F8: variants seen among roughly 807,000 people sequenced by gnomAD.
F8 encodes antihemophilic factor.
Under a neutral mutation model 140.6 loss-of-function variants are expected in F8, and 12 were observed. The ratio of observed to expected loss-of-function variants is 0.09; its 90% confidence interval spans 0.05 to 0.14. The LOEUF (loss-of-function observed/expected upper bound fraction) is 0.14. Ranked by LOEUF, F8 falls within the 10% of genes least tolerant of loss-of-function variation. The pLI is 1.00. For synonymous variants in F8, 585 were observed against 614.6 expected (o/e 0.95, Z 0.71); for missense variants, 1,354 against 1,720.7 (o/e 0.79, Z 3.77).
intron 6 of F8, among the ~76,000 whole-genome samples, chrX:154,973,344 T>C (rs1284706818): frequency 1.8e-5 from 2 of 112,573 alleles, no homozygotes; most frequent in African/African-American, 6.5e-5. Flanking sequence ...GGATTTTTTG[T>C]GGTTCCACAC....
chrX:155,008,194 T>C (rs890493302), intron 1 of F8, among the ~76,000 whole-genome samples: 1 of 111,171 alleles, frequency 9.0e-6, no homozygotes, highest in Admixed American at 9.4e-5. Flanking sequence ...AGGTGCTGTA[T>C]ATGTATGAAT....
At chrX:154,941,326 C>A (rs782185529) in intron 13 of F8, among the ~76,000 whole-genome samples, 1 of 111,433 alleles carries the variant, frequency 9.0e-6, no homozygotes, top group South Asian at 3.8e-4. Flanking sequence ...GGAAGATCTA[C>A]CAAGCAAGTG....
At chrX:154,859,592 G>A (rs782335922) in intron 25 of F8, among the ~76,000 whole-genome samples, 18 of 111,399 alleles carry the variant, frequency 1.6e-4, no homozygotes, top group African/African-American at 5.2e-4. Context: ...ATCAGCCACC[G>A]CGCCCGGCCT....
At chrX:154,871,427 A>C (rs782715100) in intron 22 of F8, among the ~76,000 whole-genome samples, 24 of 112,449 alleles carry the variant, frequency 2.1e-4, no homozygotes, top group Middle Eastern at 4.6e-3. Context: ...GACAAACCTG[A>C]CACAAACAAG....
At chrX:154,914,265 C>T (rs1423791962) in intron 14 of F8, among the ~76,000 whole-genome samples, 2 of 112,860 alleles carry the variant, frequency 1.8e-5, no homozygotes, top group Non-Finnish European at 1.9e-5. Flanking sequence ...TTTTTCCCTC[C>T]TAGGCCTCCA....
At chrX:154,874,910 A>T (rs1322209245) in intron 22 of F8, among the ~76,000 whole-genome samples, 1 of 112,333 alleles carries the variant, frequency 8.9e-6, no homozygotes. Flanking sequence ...TGTTCACTGT[A>T]ACAGTATTCA....
chrX:154,864,026 G>A (rs1557273038), intron 22 of F8, among the ~76,000 whole-genome samples: 1 of 111,857 alleles, frequency 8.9e-6, no homozygotes, highest in Non-Finnish European at 1.9e-5. Flanking sequence ...GCCTACTTAG[G>A]AAACAGGTGG....
At chrX:154,961,296 A>G (rs1440118044) in intron 9 of F8, 128 bp from the exon 10 acceptor site, 2 of 469,924 alleles carry the variant, frequency 4.3e-6, no homozygotes, top group African/African-American at 4.9e-5. Flanking sequence ...GCTAGATAAA[A>G]CTCAAAATAT....
intron 1 of F8, 120 bp from the exon 2 acceptor site, chrX:154,999,720 T>G: frequency 1.2e-6 from 1 of 840,850 alleles, no homozygotes; most frequent in Non-Finnish European, 1.7e-6. Context: ...AAGTTGTATA[T>G]AAATCCCTAA....
chrX:154,880,348 G>A (rs1050688732), intron 22 of F8, among the ~76,000 whole-genome samples: 1 of 111,368 alleles, frequency 9.0e-6, no homozygotes, highest in Non-Finnish European at 1.9e-5. Context: ...AGGAAGAGAT[G>A]AAACTCTGAT....
At chrX:154,989,833 C>T (rs1271139071) in intron 4 of F8, among the ~76,000 whole-genome samples, 3 of 111,850 alleles carry the variant, frequency 2.7e-5, no homozygotes, top group Non-Finnish European at 5.6e-5. Flanking sequence ...AAATCTGAAA[C>T]GTTCTTGGTT....
At chrX:154,906,689 T>C in intron 14 of F8, 116 bp from the exon 15 acceptor site, 2 of 656,949 alleles carry the variant, frequency 3.0e-6, no homozygotes. Flanking sequence ...AACCACTTCA[T>C]CTTCCTTGAA....
At chrX:155,013,109 G>A (rs1258461040) in intron 1 of F8, among the ~76,000 whole-genome samples, 1 of 89,903 alleles carries the variant, frequency 1.1e-5, no homozygotes, top group East Asian at 3.3e-4. Context: ...TCGCACCACT[G>A]CACTCCAGCC....
At chrX:154,954,454 C>A (rs1557281005) in intron 11 of F8, among the ~76,000 whole-genome samples, 1 of 111,813 alleles carries the variant, frequency 8.9e-6, no homozygotes, top group African/African-American at 3.3e-5. Flanking sequence ...CCTAAACTTC[C>A]ATCTAGCAAC....
intron 13 of F8, among the ~76,000 whole-genome samples, chrX:154,932,232 T>A (rs184833090): frequency 8.9e-6 from 1 of 111,928 alleles, no homozygotes; most frequent in Admixed American, 9.5e-5. Flanking sequence ...CATAACACAA[T>A]ACCTAGCATC....
rs781853205 is a variant in F8, at chrX:154,983,460, T to C, written c.787+1227A>G. Among the ~76,000 whole-genome samples the C allele has an allele frequency of 1.1e-3, 122 of 111,726 alleles. 1 individual carries two copies. The highest frequency in any genetic ancestry group is 2.0e-3 in the Non-Finnish European group (104 of 53,099). The stretch of plus-strand genomic sequence containing the variant: ...GATCTTGTGAAAATAGAGAGTAGAA[T>C]CGTGGTTACCATAGTCTGGGGTGGG... On this transcript the variant is annotated intron_variant, in intron 6 of 25. Transcript: ENST00000360256.
chrX:155,002,347 A>G (rs1557285677), intron 1 of F8, among the ~76,000 whole-genome samples: 1 of 112,308 alleles, frequency 8.9e-6, no homozygotes, highest in Non-Finnish European at 1.9e-5. Flanking sequence ...GCCCAGATAC[A>G]TGGCAAAACA....
At chrX:154,841,955 AT>A (rs1210337017) in intron 25 of F8, among the ~76,000 whole-genome samples, 1 of 111,142 alleles carries the variant, frequency 9.0e-6, no homozygotes, top group Non-Finnish European at 1.9e-5. Context: ...ATCTTTTTCC[AT>A]TTTCTGAAAG....
intron 6 of F8, among the ~76,000 whole-genome samples, chrX:154,973,650 G>A (rs2073470167): frequency 8.9e-6 from 1 of 112,136 alleles, no homozygotes; most frequent in Admixed American, 9.5e-5. Context: ...TTGGCATATA[G>A]ACATGCTATC....
Sources: gnomAD v4.1 joint callset for allele counts (sites outside exome capture counted in the v4.1 genomes callset) on GRCh38, gnomAD v4.1.1 for gene constraint, MANE v1.5 for transcripts, NCBI Gene and HGNC (gene_info 2026-07-23, HGNC 2026-07-21) for gene names.